The following RAB2A variants were observed in gnomAD, a reference collection of about 807,000 sequenced individuals.
RAB2A encodes ras-related protein Rab-2A.
RAB2A carries 7 observed loss-of-function variants against 32.5 expected under a neutral mutation model. The ratio of observed to expected loss-of-function variants is 0.22; its 90% CI spans 0.12 to 0.40. The LOEUF (loss-of-function observed/expected upper bound fraction) is 0.40. RAB2A is among the 10% of genes least tolerant of loss of function. RAB2A has a pLI of 1.00. For missense variants in RAB2A, 108 were observed against 260.7 expected (o/e 0.41, Z 4.03); for synonymous variants, 79 against 85.2 (o/e 0.93, Z 0.40).
intron 6 of RAB2A, among the ~76,000 whole-genome samples, chr8:60,592,325 G>A (rs1803956076): frequency 6.6e-6 from 1 of 152,118 alleles, no homozygotes; most frequent in Non-Finnish European, 1.5e-5. Flanking sequence ...ATTATGTTGA[G>A]CAAAATGGCT....
chr8:60,523,584 GT>G (rs1563457473), intron 1 of RAB2A, among the ~76,000 whole-genome samples: 1 of 151,736 alleles, frequency 6.6e-6, no homozygotes, highest in Non-Finnish European at 1.5e-5. Flanking sequence ...GTATTATTTA[GT>G]TTTGCCCATT....
chr8:60,566,630 T>C (rs1256702782), intron 2 of RAB2A, among the ~76,000 whole-genome samples: 3 of 152,150 alleles, frequency 2.0e-5, no homozygotes, highest in African/African-American at 4.8e-5. Context: ...ATTTTAGATA[T>C]GGGGGTACAT....
chr8:60,550,169 A>G (rs1375109096), intron 1 of RAB2A, among the ~76,000 whole-genome samples: 5 of 152,198 alleles, frequency 3.3e-5, no homozygotes, highest in Non-Finnish European at 7.3e-5. Context: ...AATCTGCTCT[A>G]CCTACATCTC....
At chr8:60,554,878 A>G (rs545981113) in intron 1 of RAB2A, among the ~76,000 whole-genome samples, 1 of 152,272 alleles carries the variant, frequency 6.6e-6, no homozygotes, top group Admixed American at 6.5e-5. Context: ...GAAAAAAGAA[A>G]TAGGTTGAGG....
intron 7 of RAB2A, among the ~76,000 whole-genome samples, chr8:60,619,492 C>G (rs551170096): frequency 9.2e-5 from 14 of 152,274 alleles, no homozygotes; most frequent in African/African-American, 3.4e-4. Flanking sequence ...AAATGAGGCT[C>G]TCTATTACTT....
At chr8:60,548,741 C>T (rs1311364884) in intron 1 of RAB2A, among the ~76,000 whole-genome samples, 5 of 141,062 alleles carry the variant, frequency 3.5e-5, no homozygotes, top group African/African-American at 1.1e-4. Flanking sequence ...CCTCACCTGC[C>T]GGATGGGGCG....
intron 1 of RAB2A, among the ~76,000 whole-genome samples, chr8:60,551,506 C>T (rs78396432): frequency 8.5e-4 from 130 of 152,294 alleles, no homozygotes; most frequent in African/African-American, 2.9e-3. Flanking sequence ...ATTTAATGTT[C>T]TCAAGTATCC....
chr8:60,569,255 T>C (rs184940809), intron 2 of RAB2A, among the ~76,000 whole-genome samples: 19 of 152,362 alleles, frequency 1.2e-4, no homozygotes, highest in African/African-American at 4.6e-4. Flanking sequence ...CTAAATATAA[T>C]ACAATAGCCT....
At chr8:60,591,715 T>C in intron 5 of RAB2A, 143 bp from the exon 6 acceptor site, 1 of 548,238 alleles carries the variant, frequency 1.8e-6, no homozygotes, top group East Asian at 3.0e-5. Flanking sequence ...ACCCTCATAA[T>C]ACCCTGAATA....
At chr8:60,609,414 G>A (rs186211760) in intron 6 of RAB2A, among the ~76,000 whole-genome samples, 7 of 152,222 alleles carry the variant, frequency 4.6e-5, no homozygotes, top group African/African-American at 1.7e-4. Flanking sequence ...ACCTTAGTAT[G>A]ATATCATTGC....
intron 1 of RAB2A, among the ~76,000 whole-genome samples, chr8:60,527,470 CCTT>C (rs1807410362): frequency 6.6e-6 from 1 of 152,200 alleles, no homozygotes; most frequent in African/African-American, 2.4e-5. Context: ...GAAGCAGGCA[CCTT>C]CTTCACAAGG....
At chr8:60,615,300 A>G (rs1586117844) in intron 6 of RAB2A, among the ~76,000 whole-genome samples, 3 of 152,234 alleles carry the variant, frequency 2.0e-5, no homozygotes, top group African/African-American at 7.2e-5. Flanking sequence ...ATTCAAAACT[A>G]CAATATGTTT....
rs1440187566 is a variant in RAB2A, at chr8:60,622,382, T to C, written c.*1613T>C. On this transcript the variant is annotated 3_prime_UTR_variant, in exon 8 of 8. Coordinates refer to ENST00000262646, the MANE Select transcript of RAB2A (RefSeq NM_002865.3). ...TCTTGTGGGAAATCACCAAATGCTG[T>C]CATAGTTTTGTTTTAACTGTCTCCT... 1 of 152,246 alleles carries C rather than the reference T, an allele frequency of 6.6e-6. No homozygotes were observed. Among genetic ancestry groups the C allele is most frequent in the South Asian group, 2.1e-4 (1 of 4,834 alleles). 9.4% of individuals were successfully genotyped at this position (152,246 alleles called of 1,614,324 possible).
At chr8:60,563,460 A>G (rs1387818666) in intron 2 of RAB2A, among the ~76,000 whole-genome samples, 1 of 152,198 alleles carries the variant, frequency 6.6e-6, no homozygotes, top group East Asian at 1.9e-4. Context: ...TCATATGGGC[A>G]CTGAAGGTTA....
intron 6 of RAB2A, among the ~76,000 whole-genome samples, chr8:60,616,481 T>G (rs1426132611): frequency 6.6e-6 from 1 of 152,244 alleles, no homozygotes; most frequent in East Asian, 1.9e-4. Context: ...TAGCTTGATT[T>G]CTAAAGCCAT....
intron 7 of RAB2A, among the ~76,000 whole-genome samples, chr8:60,619,377 T>G (rs559647374): frequency 6.6e-6 from 1 of 152,312 alleles, no homozygotes; most frequent in South Asian, 2.1e-4. Flanking sequence ...CATTCTGTAT[T>G]AAGATTTCTG....
intron 1 of RAB2A, among the ~76,000 whole-genome samples, chr8:60,546,533 G>T (rs955897222): frequency 6.6e-6 from 1 of 152,150 alleles, no homozygotes; most frequent in Non-Finnish European, 1.5e-5. Flanking sequence ...ATTAAAGAAA[G>T]GATAAACTAC....
intron 1 of RAB2A, among the ~76,000 whole-genome samples, chr8:60,523,447 A>G (rs1807331734): frequency 6.6e-6 from 1 of 151,770 alleles, no homozygotes; most frequent in Non-Finnish European, 1.5e-5. Context: ...ATGAGCCACC[A>G]CGCCCGGCCA....
chr8:60,575,218 C>T (rs1344759778), intron 3 of RAB2A, among the ~76,000 whole-genome samples: 2 of 151,564 alleles, frequency 1.3e-5, no homozygotes. Context: ...CCCACGTCAG[C>T]CTCTTGAGTA....
Sources: gnomAD v4.1 joint callset for allele counts (sites outside exome capture counted in the v4.1 genomes callset) on GRCh38, gnomAD v4.1.1 for gene constraint, MANE v1.5 for transcripts, NCBI Gene and HGNC (gene_info 2026-07-23, HGNC 2026-07-21) for gene names.